The following FRYL variants were observed in gnomAD, a reference collection of about 807,000 sequenced individuals.
FRYL encodes the protein protein furry homolog-like.
FRYL carries 150 observed loss-of-function variants against 351.2 expected under a neutral mutation model. That is an observed-to-expected ratio of 0.43 (90% CI 0.37 to 0.49). FRYL has a LOEUF of 0.49. Ranked by LOEUF, FRYL falls within the 20% of genes least tolerant of loss-of-function variation. The probability of loss-of-function intolerance (pLI) is 0.00; values close to 1 mark genes in which losing one functional copy is unlikely to be tolerated. For missense variants in FRYL, 3,036 were observed against 3,619.3 expected (o/e 0.84, Z 4.13); for synonymous variants, 1,153 against 1,257.1 (o/e 0.92, Z 1.75).
chr4:48,719,887 C>T (rs1019782517), intron 1 of FRYL, among the ~76,000 whole-genome samples: 1 of 151,490 alleles, frequency 6.6e-6, no homozygotes, highest in Non-Finnish European at 1.5e-5. Flanking sequence ...TGTGGTGGCT[C>T]ACGCCTGTAA....
chr4:48,711,910 G>A (rs904411722), intron 1 of FRYL, among the ~76,000 whole-genome samples: 54 of 152,168 alleles, frequency 3.5e-4, no homozygotes, highest in Admixed American at 1.8e-3. Context: ...TGCGGTTCAC[G>A]AAAAACCGCT....
chr4:48,558,706 G>C (rs1456442262), intron 33 of FRYL, among the ~76,000 whole-genome samples: 1 of 152,110 alleles, frequency 6.6e-6, no homozygotes, highest in Non-Finnish European at 1.5e-5. Context: ...CTATATAGGG[G>C]AGATGCCTAT....
chr4:48,576,168 A>G lies in FRYL; in HGVS notation c.2583T>C (p.Ile861=), dbSNP rs753593178. ...VNTTTSSDSY[I]GLWRNYLILC... is the part of the protein sequence containing the mutation. ...GGATCAGATAGTTTCTCCACAGGCCAATGTATGAGTCACTGCTTGTGGTGG... is the reference window on the plus strand; with the variant it reads ...GGATCAGATAGTTTCTCCACAGGCCGATGTATGAGTCACTGCTTGTGGTGG... The change falls in exon 24 of 64, where the codon ATT becomes ATC. Residue 861 remains isoleucine (I), a synonymous_variant. Transcript: ENST00000358350. The G allele has an allele frequency of 1.2e-6, 2 of 1,613,570 alleles. No individual in the cohort carries two copies. The highest frequency in any genetic ancestry group is 2.7e-5 in the African/African-American group (2 of 74,896).
intron 3 of FRYL, among the ~76,000 whole-genome samples, chr4:48,676,036 G>A (rs1763611899): frequency 6.6e-6 from 1 of 152,128 alleles, no homozygotes; most frequent in African/African-American, 2.4e-5. Flanking sequence ...TGGGGACATG[G>A]AGAACCTTTG....
At chr4:48,735,114 A>C (rs1349994762) in intron 1 of FRYL, among the ~76,000 whole-genome samples, 2 of 101,628 alleles carry the variant, frequency 2.0e-5, no homozygotes, top group African/African-American at 7.6e-5. Flanking sequence ...GAACTCAAAC[A>C]AATTTACAAG....
intron 40 of FRYL, 41 bp from the exon 41 acceptor site, chr4:48,547,810 T>C (rs562108151): frequency 1.6e-6 from 2 of 1,290,136 alleles, no homozygotes; most frequent in South Asian, 2.1e-5. Context: ...TAAAGAGAAA[T>C]AATGAGTATT....
chr4:48,574,097 A>AT (rs1477920403), intron 25 of FRYL, among the ~76,000 whole-genome samples: 4 of 152,152 alleles, frequency 2.6e-5, no homozygotes, highest in African/African-American at 9.6e-5. Context: ...GTCAAAGGGT[A>AT]TGAACTTTGT....
At position 48,619,298 on chromosome 4, in the gene FRYL, TA is replaced by T; in HGVS notation, c.386del (p.Leu129Ter). On this transcript the variant is annotated frameshift_variant, in exon 7 of 64. Transcript: ENST00000358350. LOFTEE classifies it high-confidence loss of function. ...RDLAVDFIFCLVLVEVLKQIP... is the reference protein window; with the variant it reads ...RDLAVDFIFCXVLVEVLKQIP... ...CCTGCTTTAGAACTTCAACTAAAAC[TA>T]AACAAAAAATGAAGTCTACTGCTAA... 1.2e-6 allele frequency: 2 copies of T among 1,608,620 alleles called. No homozygotes were observed. Among genetic ancestry groups the T allele is most frequent in the Non-Finnish European group, 1.7e-6 (2 of 1,177,120 alleles).
chr4:48,663,909 A>C (rs1761277866), intron 3 of FRYL, among the ~76,000 whole-genome samples: 2 of 152,116 alleles, frequency 1.3e-5, no homozygotes, highest in Admixed American at 1.3e-4. Flanking sequence ...AACTGTGATG[A>C]AGTGCTGTGA....
At chr4:48,704,047 G>C (rs1382990291) in intron 2 of FRYL, among the ~76,000 whole-genome samples, 1 of 152,120 alleles carries the variant, frequency 6.6e-6, no homozygotes, top group East Asian at 1.9e-4. Flanking sequence ...TGTACAAGTG[G>C]AGACACTAAA....
intron 50 of FRYL, among the ~76,000 whole-genome samples, chr4:48,528,738 G>A (rs1449687770): frequency 6.6e-6 from 1 of 151,888 alleles, no homozygotes; most frequent in Non-Finnish European, 1.5e-5. Context: ...GTTAAATTTT[G>A]GCGCTTTTTC....
At chr4:48,507,356 A>G (rs1283135839) in intron 59 of FRYL, among the ~76,000 whole-genome samples, 1 of 152,194 alleles carries the variant, frequency 6.6e-6, no homozygotes, top group Non-Finnish European at 1.5e-5. Context: ...CATCTAATCA[A>G]TCAGTCTTCC....
chr4:48,500,947 G>C (rs1341755208), intron 62 of FRYL, among the ~76,000 whole-genome samples: 1 of 152,074 alleles, frequency 6.6e-6, no homozygotes, highest in Non-Finnish European at 1.5e-5. Context: ...TTAGCTGGGT[G>C]TGGTGGTGCA....
chr4:48,527,709 G>C, intron 52 of FRYL, 56 bp from the exon 53 acceptor site: 2 of 1,524,332 alleles, frequency 1.3e-6, no homozygotes, highest in African/African-American at 1.4e-5. Flanking sequence ...GTCACTCTGC[G>C]TATGAGGTAT....
chr4:48,577,966 T>G (rs544875870), intron 23 of FRYL, among the ~76,000 whole-genome samples: 21 of 151,324 alleles, frequency 1.4e-4, no homozygotes, highest in South Asian at 6.2e-4. Context: ...AGCATGTATA[T>G]GTAGAAATAT....
intron 3 of FRYL, among the ~76,000 whole-genome samples, chr4:48,669,975 ATAG>A (rs1212789706): frequency 6.6e-6 from 1 of 152,010 alleles, no homozygotes; most frequent in Non-Finnish European, 1.5e-5. Context: ...TTATGAATAG[ATAG>A]TAGGTGTATA....
intron 1 of FRYL, among the ~76,000 whole-genome samples, chr4:48,771,778 A>T (rs1775538324): frequency 2.6e-5 from 1 of 37,872 alleles, no homozygotes; most frequent in Admixed American, 1.7e-4. Flanking sequence ...CCAGAAGAAC[A>T]TGCTGTCATT....
intron 1 of FRYL, among the ~76,000 whole-genome samples, chr4:48,731,867 G>A (rs766267459): frequency 6.6e-6 from 1 of 152,154 alleles, no homozygotes; most frequent in Non-Finnish European, 1.5e-5. Context: ...TCAGGACATA[G>A]GCATGGGCAA....
At chr4:48,582,430 A>G in intron 20 of FRYL, 67 bp downstream of exon 20, 1 of 961,638 alleles carries the variant, frequency 1.0e-6, no homozygotes, top group African/African-American at 1.6e-5. Context: ...GTAAATCTGT[A>G]TTAAAACCAT....
Sources: allele counts gnomAD v4.1 joint callset (sites outside exome capture counted in the v4.1 genomes callset), GRCh38; gene constraint gnomAD v4.1.1; transcripts MANE v1.5; gene names NCBI Gene and HGNC (gene_info 2026-07-23, HGNC 2026-07-21).